Variants in CD8B observed in about 807,000 individuals in gnomAD.
CD8B encodes CD8 subunit beta.
In CD8B, 6 loss-of-function variants were observed where a neutral mutation model predicts 24.2. The observed-to-expected ratio is 0.25, with a 90% confidence interval of 0.14 to 0.49. The LOEUF is 0.49. Ranked by LOEUF, CD8B falls within the 20% of genes least tolerant of loss-of-function variation. The pLI, the probability that CD8B is intolerant of heterozygous loss-of-function variation, is 0.98. For missense variants in CD8B, 196 were observed against 271.3 expected (o/e 0.72, Z 1.95); for synonymous variants, 84 against 108.3 (o/e 0.78, Z 1.39).
Position 86,826,137 on chromosome 2 carries a change from G to C in CD8B, c.621-10419C>G, listed in dbSNP as rs1286606736. 3.3e-5 allele frequency among the ~76,000 whole-genome samples: 5 copies of C among 152,032 alleles called. No individual in the cohort carries two copies. In the East Asian group the frequency reaches 9.7e-4, roughly 29 times the overall value. On this transcript the variant is annotated intron_variant, in intron 5 of 5. Transcript: ENST00000331469. Reference sequence around the variant, plus strand: ...AAAGCCCGGGAGGAAGTGTGGTCTTGTGGGGAGCTCTGTGCAGGCAACATG... The same window carrying C: ...AAAGCCCGGGAGGAAGTGTGGTCTTCTGGGGAGCTCTGTGCAGGCAACATG...
chr2:86,824,582 G>A (rs1386012878), intron 5 of CD8B, among the ~76,000 whole-genome samples: 1 of 152,178 alleles, frequency 6.6e-6, no homozygotes, highest in African/African-American at 2.4e-5. Context: ...TCCCTTCCTG[G>A]GGTCCTGTGG....
intron 2 of CD8B, 140 bp from the exon 3 acceptor site, chr2:86,853,226 G>C (rs1676064076): frequency 7.1e-7 from 1 of 1,405,536 alleles, no homozygotes; most frequent in East Asian, 2.5e-5. Context: ...GAGATCATTT[G>C]AGCTCAGGAG....
chr2:86,852,470 A>G (rs2104567679), intron 3 of CD8B, among the ~76,000 whole-genome samples: 1 of 151,994 alleles, frequency 6.6e-6, no homozygotes, highest in East Asian at 1.9e-4. Context: ...CCTTATACCC[A>G]TTAGGAATCA....
At chr2:86,828,114 C>T (rs768478558) in intron 5 of CD8B, among the ~76,000 whole-genome samples, 7 of 152,088 alleles carry the variant, frequency 4.6e-5, no homozygotes, top group Admixed American at 1.3e-4. Flanking sequence ...CTTGCATAAG[C>T]GGTTAATTGA....
chr2:86,833,392 C>A (rs1202102902), downstream of CD8B, among the ~76,000 whole-genome samples: 1 of 151,552 alleles, frequency 6.6e-6, no homozygotes, highest in Non-Finnish European at 1.5e-5. Flanking sequence ...GTTGGCCAGG[C>A]TGGTCTCAAG....
chr2:86,826,545 C>T (rs1674695084), intron 5 of CD8B, among the ~76,000 whole-genome samples: 1 of 152,126 alleles, frequency 6.6e-6, no homozygotes, highest in African/African-American at 2.4e-5. Context: ...GGTGCATCAC[C>T]TGAGCCCTGT....
chr2:86,836,771 C>T (rs1675195149), downstream of CD8B, among the ~76,000 whole-genome samples: 2 of 152,136 alleles, frequency 1.3e-5, no homozygotes, highest in Non-Finnish European at 2.9e-5. Flanking sequence ...CACACACGCA[C>T]ACCCCCAAGG....
intron 4 of CD8B, among the ~76,000 whole-genome samples, chr2:86,845,561 C>T (rs563577009): frequency 9.8e-5 from 15 of 152,290 alleles, no homozygotes; most frequent in South Asian, 2.1e-4. Context: ...CTCTCGAGTA[C>T]GGGCACTTGC....
At chr2:86,833,639 CCCTT>C (rs1553435044), downstream of CD8B, among the ~76,000 whole-genome samples, 172 of 76,000 alleles carry the variant, frequency 2.3e-3, 3 homozygotes, top group East Asian at 0.01. Context: ...CTCCCTCCCT[CCCTT>C]CCTTCCTTCC....
At position 86,839,498 on chromosome 2, in the gene CD8B, T is replaced by TAGC. The variant is rs1435618855; in HGVS notation, c.*2806_*2808dup. On this transcript the variant is annotated 3_prime_UTR_variant, in exon 6 of 6. Coordinates refer to ENST00000390655, the MANE Select transcript of CD8B (RefSeq NM_004931.5). ...ATCATAATGGCCCTATAGAGTGTAG[T>TAGC]AGCAGCTCAGCTCCTTCTTCAAACA... 1.3e-5 allele frequency among the ~76,000 whole-genome samples: 2 copies of TAGC among 152,236 alleles called. No individual in the cohort carries two copies. Among genetic ancestry groups the TAGC allele is most frequent in the Non-Finnish European group, 2.9e-5 (2 of 68,040 alleles).
At chr2:86,824,038 G>A (rs921437358) in intron 5 of CD8B, among the ~76,000 whole-genome samples, 1 of 151,298 alleles carries the variant, frequency 6.6e-6, no homozygotes, top group Non-Finnish European at 1.5e-5. Context: ...GAGATGGCAG[G>A]CCTCAGCACT....
intron 5 of CD8B, among the ~76,000 whole-genome samples, chr2:86,826,850 C>T (rs536099170): frequency 2.7e-5 from 4 of 147,834 alleles, no homozygotes; most frequent in African/African-American, 1.0e-4. Flanking sequence ...GAGACGGGGT[C>T]TCACTCTGTC....
chr2:86,851,989 G>T (rs751048911), intron 3 of CD8B, among the ~76,000 whole-genome samples: 1 of 152,048 alleles, frequency 6.6e-6, no homozygotes, highest in African/African-American at 2.4e-5. Context: ...TTTTTTTTGA[G>T]ACAGGGTCTG....
At chr2:86,847,936 T>C (rs4971890) in intron 3 of CD8B, among the ~76,000 whole-genome samples, 25,453 of 152,246 alleles carry the variant, frequency 0.17, 2,402 homozygotes, top group Admixed American at 0.21. Context: ...TGTACCTTTA[T>C]TTTTTCAACG....
intron 5 of CD8B, among the ~76,000 whole-genome samples, chr2:86,823,356 T>C (rs1558748047): frequency 6.6e-6 from 1 of 152,198 alleles, no homozygotes; most frequent in East Asian, 1.9e-4. Context: ...CATGGCTCAC[T>C]GTAGCCTTCA....
At chr2:86,834,929 C>T (rs1378373936), downstream of CD8B, among the ~76,000 whole-genome samples, 1 of 119,792 alleles carries the variant, frequency 8.3e-6, no homozygotes, top group Non-Finnish European at 1.7e-5. Context: ...GAGCAAAACT[C>T]TGTCTCAAAA....
chr2:86,822,389 G>T, intron 5 of CD8B: 1 of 1,516,604 alleles, frequency 6.6e-7, no homozygotes, highest in South Asian at 1.2e-5. Context: ...GCACAATAGA[G>T]TATGAACAGA....
Position 86,853,082 on chromosome 2 carries a change from A to G in CD8B, c.408T>C (p.Asp136=). The G allele has an allele frequency of 6.5e-7, 1 of 1,542,636 alleles. No homozygotes were observed. The highest frequency in any genetic ancestry group is 1.2e-5 in the South Asian group (1 of 83,494). Residue 136 remains aspartate (D), a synonymous_variant, in exon 3 of 6, where the codon GAT becomes GAC. Transcript: ENST00000390655. ...FGKGTQLSVV[D]FLPTTAQPTK... is the part of the protein sequence containing the mutation. ...TGGGCTGGGCAGTGGTGGGAAGGAA[A>G]TCAACTACAGAAAGAAAGCAAGACA...
At chr2:86,836,198 T>C (rs1675171107), downstream of CD8B, among the ~76,000 whole-genome samples, 1 of 152,062 alleles carries the variant, frequency 6.6e-6, no homozygotes, top group African/African-American at 2.4e-5. Context: ...TCCCAGCTTG[T>C]GGGGGCCTAA....
Sources: gnomAD v4.1 joint callset for allele counts (sites outside exome capture counted in the v4.1 genomes callset) on GRCh38, gnomAD v4.1.1 for gene constraint, MANE v1.5 for transcripts, NCBI Gene and HGNC (gene_info 2026-07-23, HGNC 2026-07-21) for gene names.